Variants in TBC1D22A observed in about 807,000 individuals in gnomAD.
TBC1D22A encodes putative GTPase activator.
A neutral mutation model predicts 60.2 loss-of-function variants in TBC1D22A; 38 were observed. The ratio of observed to expected loss-of-function variants is 0.63; its 90% CI spans 0.49 to 0.83. The LOEUF is 0.83. Ranked by LOEUF, TBC1D22A falls within the 40% of genes least tolerant of loss-of-function variation. The probability of loss-of-function intolerance (pLI) is 0.00; values close to 1 mark genes in which losing one functional copy is unlikely to be tolerated. For synonymous variants in TBC1D22A, 302 were observed against 281.7 expected (o/e 1.07, Z -0.72); for missense variants, 628 against 701.0 (o/e 0.90, Z 1.18).
At position 46,996,081 on chromosome 22, in the gene TBC1D22A, C is replaced by A. The variant is rs565336715; in HGVS notation, c.1126-1553C>A. 8.2e-4 allele frequency among the ~76,000 whole-genome samples: 125 copies of A among 152,372 alleles called. 1 individual carries two copies. The highest frequency in any genetic ancestry group is 1.0e-3 in the Non-Finnish European group (71 of 68,032). ...GGTGGTGCCTGCAGACCCCTGCCCC[C>A]TCAGGCGCACAGGCAGCAGATCATC... On this transcript the variant is annotated intron_variant, in intron 9 of 12. Coordinates refer to ENST00000337137, the MANE Select transcript of TBC1D22A (RefSeq NM_014346.5).
intron 9 of TBC1D22A, among the ~76,000 whole-genome samples, chr22:46,977,785 G>A (rs543017332): frequency 1.3e-5 from 2 of 152,164 alleles, no homozygotes; most frequent in African/African-American, 4.8e-5. Context: ...GAGGGGTTGG[G>A]GGAGGTGCCA....
At chr22:47,093,040 A>G (rs2065038524) in intron 11 of TBC1D22A, among the ~76,000 whole-genome samples, 1 of 152,244 alleles carries the variant, frequency 6.6e-6, no homozygotes, top group African/African-American at 2.4e-5. Context: ...GGTTAGCAGC[A>G]GAAAGTTAAT....
At chr22:47,165,397 C>G (rs1202376117) in intron 12 of TBC1D22A, among the ~76,000 whole-genome samples, 2 of 152,190 alleles carry the variant, frequency 1.3e-5, no homozygotes, top group Non-Finnish European at 2.9e-5. Context: ...GCTCTTTGCA[C>G]CAGCACGGGT....
At chr22:46,968,307 T>C (rs1348088263) in intron 8 of TBC1D22A, among the ~76,000 whole-genome samples, 1 of 152,232 alleles carries the variant, frequency 6.6e-6, no homozygotes, top group Non-Finnish European at 1.5e-5. Context: ...ATGGCCAGGC[T>C]CTGCCACTTC....
At chr22:46,922,040 C>G (rs553760247) in intron 8 of TBC1D22A, among the ~76,000 whole-genome samples, 1 of 152,276 alleles carries the variant, frequency 6.6e-6, no homozygotes, top group South Asian at 2.1e-4. Flanking sequence ...ACATGTAAGT[C>G]TTTAATCTAT....
chr22:47,111,445 C>A, intron 11 of TBC1D22A, 63 bp from the exon 12 acceptor site: 1 of 1,464,074 alleles, frequency 6.8e-7, no homozygotes. Flanking sequence ...CGCAGATAAC[C>A]TCGCAGTGAT....
intron 8 of TBC1D22A, among the ~76,000 whole-genome samples, chr22:46,950,370 G>T (rs1434100390): frequency 2.0e-5 from 3 of 152,206 alleles, no homozygotes; most frequent in Non-Finnish European, 4.4e-5. Context: ...GGTGCCGTTT[G>T]TGTGGCCTGT....
chr22:46,843,439 C>A (rs1467335775), intron 4 of TBC1D22A, among the ~76,000 whole-genome samples: 4 of 144,104 alleles, frequency 2.8e-5, no homozygotes, highest in African/African-American at 1.2e-4. Context: ...CGGCTTTATT[C>A]TGAAGCTGTC....
intron 11 of TBC1D22A, among the ~76,000 whole-genome samples, chr22:47,068,051 C>T (rs1300980671): frequency 3.9e-5 from 6 of 152,246 alleles, no homozygotes; most frequent in African/African-American, 7.2e-5. Context: ...CACCAGAGTC[C>T]GCGAAAGCGC....
At chr22:46,767,151 C>T (rs1323971836) in intron 1 of TBC1D22A, among the ~76,000 whole-genome samples, 53 of 152,282 alleles carry the variant, frequency 3.5e-4, no homozygotes, top group Non-Finnish European at 2.9e-5. Context: ...ATGTGGCTGA[C>T]GCTTTCCTAG....
intron 3 of TBC1D22A, among the ~76,000 whole-genome samples, chr22:46,795,128 C>G (rs1450598134): frequency 6.6e-6 from 1 of 152,234 alleles, no homozygotes; most frequent in Non-Finnish European, 1.5e-5. Context: ...GAACTCGTAA[C>G]TGGAAATCTG....
chr22:46,910,251 G>A (rs1035429842), intron 7 of TBC1D22A, among the ~76,000 whole-genome samples: 10 of 152,128 alleles, frequency 6.6e-5, no homozygotes, highest in African/African-American at 1.9e-4. Context: ...GTGGGGTGGC[G>A]GGGGGCCTGG....
intron 12 of TBC1D22A, among the ~76,000 whole-genome samples, chr22:47,114,717 T>A (rs1442693363): frequency 5.9e-5 from 9 of 152,174 alleles, no homozygotes. Flanking sequence ...CCTTGTGATT[T>A]GTCCCTTGGG....
At chr22:46,952,558 C>T (rs759217488) in intron 8 of TBC1D22A, among the ~76,000 whole-genome samples, 1 of 152,126 alleles carries the variant, frequency 6.6e-6, no homozygotes, top group Non-Finnish European at 1.5e-5. Context: ...GTTAAGATGT[C>T]GTGCTCTGAA....
chr22:47,049,337 G>GGA (rs2063133626), intron 11 of TBC1D22A, among the ~76,000 whole-genome samples: 1 of 152,246 alleles, frequency 6.6e-6, no homozygotes, highest in Non-Finnish European at 1.5e-5. Context: ...AGAAGAAGCG[G>GGA]GCATGGGCGC....
intron 12 of TBC1D22A, among the ~76,000 whole-genome samples, chr22:47,121,559 T>G (rs1569458875): frequency 6.6e-6 from 1 of 152,216 alleles, no homozygotes; most frequent in African/African-American, 2.4e-5. Context: ...TGAAATTGTA[T>G]ATATCGACAT....
At chr22:46,798,786 A>G (rs2084769613) in intron 4 of TBC1D22A, among the ~76,000 whole-genome samples, 1 of 152,220 alleles carries the variant, frequency 6.6e-6, no homozygotes, top group South Asian at 2.1e-4. Flanking sequence ...GGAGGTGGCG[A>G]GTGGCGCACG....
intron 1 of TBC1D22A, among the ~76,000 whole-genome samples, chr22:46,784,648 A>C (rs1316587007): frequency 6.6e-6 from 1 of 152,382 alleles, no homozygotes; most frequent in East Asian, 1.9e-4. Context: ...ATAATGTTGC[A>C]GAGACTTTTT....
intron 1 of TBC1D22A, among the ~76,000 whole-genome samples, chr22:46,765,688 A>G (rs1312470939): frequency 6.6e-6 from 1 of 151,702 alleles, no homozygotes; most frequent in Non-Finnish European, 1.5e-5. Context: ...GCTAGTCTCG[A>G]ACTCCTGACC....
Sources: gnomAD v4.1 joint callset for allele counts (sites outside exome capture counted in the v4.1 genomes callset) on GRCh38, gnomAD v4.1.1 for gene constraint, MANE v1.5 for transcripts, NCBI Gene and HGNC (gene_info 2026-07-23, HGNC 2026-07-21) for gene names.